Variants in SRBD1 observed in about 807,000 individuals in gnomAD.
SRBD1 encodes S1 RNA-binding domain-containing protein 1.
Under a neutral mutation model 115.3 loss-of-function variants are expected in SRBD1, and 88 were observed. The ratio of observed to expected loss-of-function variants is 0.76; its 90% CI spans 0.64 to 0.91. SRBD1 has a LOEUF of 0.91. Ranked by LOEUF, SRBD1 falls within the 40% of genes least tolerant of loss-of-function variation. The probability of loss-of-function intolerance (pLI) is 0.00; values close to 1 mark genes in which losing one functional copy is unlikely to be tolerated. For missense variants in SRBD1, 1,385 were observed against 1,177.4 expected, an observed-to-expected ratio of 1.18 and a Z score of -2.58; for synonymous variants, 509 against 407.7, an observed-to-expected ratio of 1.25 and a Z score of -2.99.
chr2:45,433,078 T>C (rs1668388157), intron 16 of SRBD1, among the ~76,000 whole-genome samples: 2 of 152,194 alleles, frequency 1.3e-5, no homozygotes, highest in Non-Finnish European at 2.9e-5. Context: ...CCAAAGTGGA[T>C]TCCTAGTGCA....
intron 16 of SRBD1, among the ~76,000 whole-genome samples, chr2:45,457,799 T>C (rs1028471963): frequency 1.3e-5 from 2 of 151,946 alleles, no homozygotes; most frequent in Non-Finnish European, 2.9e-5. Context: ...GACACGTGCA[T>C]TTAAACTAAA....
chr2:45,414,730 AGTGTG>A (rs1558563362), intron 18 of SRBD1, among the ~76,000 whole-genome samples: 12 of 125,866 alleles, frequency 9.5e-5, no homozygotes, highest in African/African-American at 4.3e-4. Context: ...ACACACACAC[AGTGTG>A]TATATAGTAT....
Position 45,605,452 on chromosome 2 carries a change from C to A in SRBD1, c.1-11G>T, listed in dbSNP as rs756845336. 4 of 1,611,912 alleles carry A rather than the reference C, an allele frequency of 2.5e-6. No homozygotes were observed. The highest frequency in any genetic ancestry group is 1.1e-5 in the South Asian group (1 of 90,904). ...TGGCAATGATGACATCTAGAAGAAACAGAAAATAAAATCAGCAACACTTGA... is the reference window on the plus strand; with the variant it reads ...TGGCAATGATGACATCTAGAAGAAAAAGAAAATAAAATCAGCAACACTTGA... On this transcript the variant is annotated splice_polypyrimidine_tract_variant and intron_variant, in intron 1 of 20. Transcript: ENST00000263736.
intron 10 of SRBD1, 118 bp downstream of exon 10, chr2:45,562,535 C>T: frequency 1.3e-6 from 1 of 783,896 alleles, no homozygotes; most frequent in Non-Finnish European, 1.9e-6. Context: ...CCCGGCCTGT[C>T]ACTGGCTTTT....
Position 45,580,026 on chromosome 2 carries a change from G to A in SRBD1, c.934-13C>T. 6.7e-7 allele frequency: 1 copy of A among 1,498,016 alleles called. No homozygotes were observed. Among genetic ancestry groups the A allele is most frequent in the Non-Finnish European group, 8.9e-7 (1 of 1,121,362 alleles). 92.8% of individuals were successfully genotyped at this position (1,498,016 alleles called of 1,614,324 possible). ...TATATGGAGCAGACTAGAAAATAAA[G>A]ACAGAAAACATATGATTATGTTTTA... On this transcript the variant is annotated splice_polypyrimidine_tract_variant and intron_variant, in intron 6 of 20. Coordinates refer to ENST00000263736, the MANE Select transcript of SRBD1 (RefSeq NM_018079.5).
chr2:45,443,769 G>C (rs1015793912), intron 16 of SRBD1, among the ~76,000 whole-genome samples: 3 of 146,118 alleles, frequency 2.1e-5, no homozygotes, highest in African/African-American at 7.6e-5. Context: ...CAACTCTTTT[G>C]CAGTGGTTAT....
intron 16 of SRBD1, among the ~76,000 whole-genome samples, chr2:45,441,764 G>A (rs1396967409): frequency 1.3e-5 from 2 of 152,180 alleles, no homozygotes; most frequent in Admixed American, 6.5e-5. Flanking sequence ...GGGCATTACA[G>A]CAGCACAATC....
intron 14 of SRBD1, among the ~76,000 whole-genome samples, chr2:45,495,864 G>A (rs1380740720): frequency 6.6e-6 from 1 of 152,152 alleles, no homozygotes; most frequent in Non-Finnish European, 1.5e-5. Context: ...AATTAAAATG[G>A]TCTTTGGTCA....
In SRBD1 at chr2:45,545,283, TAAAAAAAAAAAAAA is replaced by T. The variant is rs56909656; in HGVS notation, c.1874+1435_1874+1448del. ...TGACAGAGCGAGACTCTGTCTCAAT[TAAAAAAAAAAAAAA>T]AAAAAAAAAAAAAAAAAACAGATGA... On this transcript the variant is annotated intron_variant, in intron 14 of 20. Transcript: ENST00000263736. Among the ~76,000 whole-genome samples the T allele has an allele frequency of 1.4e-3, 97 of 68,578 alleles. 1 individual carries two copies. The highest frequency in any genetic ancestry group is 3.0e-3 in the African/African-American group (44 of 14,782). The allele number at this position is 68,578 out of a possible 152,430, so 45.0% of individuals were successfully genotyped here. A position where few individuals can be genotyped will look rare whatever the true frequency, so the allele number is the denominator to read the frequency against.
intron 9 of SRBD1, among the ~76,000 whole-genome samples, chr2:45,567,759 A>G (rs1248393551): frequency 1.3e-5 from 2 of 152,258 alleles, no homozygotes; most frequent in African/African-American, 4.8e-5. Flanking sequence ...GTGCCAGCTT[A>G]GTAAACAGAA....
At chr2:45,597,581 A>T (rs1673942793) in intron 4 of SRBD1, among the ~76,000 whole-genome samples, 1 of 152,192 alleles carries the variant, frequency 6.6e-6, no homozygotes, top group South Asian at 2.1e-4. Context: ...TCAAACAGAG[A>T]AGCAGCAGAA....
At chr2:45,522,533 T>C (rs1671318487) in intron 14 of SRBD1, among the ~76,000 whole-genome samples, 2 of 152,198 alleles carry the variant, frequency 1.3e-5, no homozygotes, top group Non-Finnish European at 2.9e-5. Flanking sequence ...TGGAGCATTT[T>C]GGATTAGGGA....
chr2:45,512,760 A>G (rs1253053560), intron 14 of SRBD1, among the ~76,000 whole-genome samples: 1 of 152,174 alleles, frequency 6.6e-6, no homozygotes, highest in East Asian at 1.9e-4. Flanking sequence ...AGTGCTGATT[A>G]TCCCTTATTT....
At chr2:45,574,502 G>C (rs1395203044) in intron 8 of SRBD1, 125 bp downstream of exon 8, 11 of 775,902 alleles carry the variant, frequency 1.4e-5, no homozygotes, top group Non-Finnish European at 2.3e-5. Context: ...TGAACAAAGA[G>C]TTTTGCTACT....
intron 7 of SRBD1, among the ~76,000 whole-genome samples, chr2:45,578,077 T>C (rs1055875899): frequency 3.9e-5 from 6 of 152,086 alleles, no homozygotes; most frequent in African/African-American, 1.4e-4. Context: ...ACCTACCCAG[T>C]AGGAACTCAG....
intron 4 of SRBD1, among the ~76,000 whole-genome samples, chr2:45,590,290 G>A (rs1373771791): frequency 6.6e-6 from 1 of 152,224 alleles, no homozygotes; most frequent in Non-Finnish European, 1.5e-5. Flanking sequence ...GAGGAACTCA[G>A]TTTACAGTTT....
intron 14 of SRBD1, chr2:45,546,073 C>G (rs1672110823): frequency 1.3e-6 from 1 of 742,714 alleles, no homozygotes; most frequent in African/African-American, 1.9e-5. Context: ...TCCTTTAGGA[C>G]TTAATATTCT....
intron 9 of SRBD1, among the ~76,000 whole-genome samples, chr2:45,570,752 A>C (rs1484572017): frequency 6.6e-6 from 1 of 152,190 alleles, no homozygotes; most frequent in African/African-American, 2.4e-5. Flanking sequence ...GGCAGGTTGC[A>C]GAAGGAGCAA....
chr2:45,440,084 T>C (rs942678871), intron 16 of SRBD1, among the ~76,000 whole-genome samples: 2 of 152,176 alleles, frequency 1.3e-5, no homozygotes, highest in Non-Finnish European at 2.9e-5. Context: ...ACCACATAGG[T>C]AGTCAGTTAA....
Sources: allele counts gnomAD v4.1 joint callset (sites outside exome capture counted in the v4.1 genomes callset), GRCh38; gene constraint gnomAD v4.1.1; transcripts MANE v1.5; gene names NCBI Gene and HGNC (gene_info 2026-07-23, HGNC 2026-07-21).